Variants in TNNT3 observed in about 807,000 individuals in gnomAD.
TNNT3 encodes troponin T, fast skeletal muscle.
A neutral mutation model predicts 54.2 loss-of-function variants in TNNT3; 36 were observed. That is an observed-to-expected ratio of 0.66 (90% CI 0.51 to 0.88). The LOEUF is 0.88. Ranked by LOEUF, TNNT3 falls within the 40% of genes least tolerant of loss-of-function variation. The probability of loss-of-function intolerance (pLI) is 0.00; values close to 1 mark genes in which losing one functional copy is unlikely to be tolerated. For synonymous variants in TNNT3, 120 were observed against 109.7 expected (o/e 1.09, Z -0.59); for missense variants, 291 against 331.6 (o/e 0.88, Z 0.95).
chr11:1,934,756 C>T (rs1454414884), intron 13 of TNNT3, 73 bp from the exon 14 acceptor site: 2 of 1,594,214 alleles, frequency 1.3e-6, no homozygotes, highest in East Asian at 2.2e-5. Flanking sequence ...CCAGTGGCTG[C>T]AGGAGGACTC....
chr11:1,925,974 G>A (rs1481049510), intron 5 of TNNT3, among the ~76,000 whole-genome samples: 3 of 152,200 alleles, frequency 2.0e-5, no homozygotes, highest in East Asian at 3.8e-4. Context: ...GGCAGGAAGT[G>A]GGGGTCCTGG....
intron 8 of TNNT3, 77 bp downstream of exon 8, chr11:1,929,905 G>GC (rs1235934795): frequency 1.3e-6 from 2 of 1,525,508 alleles, no homozygotes; most frequent in African/African-American, 2.8e-5. Flanking sequence ...TGGGGTCCTG[G>GC]CAGGCCCAGT....
intron 15 of TNNT3, chr11:1,938,082 A>G (rs1268559634): frequency 2.9e-6 from 1 of 347,660 alleles, no homozygotes; most frequent in Non-Finnish European, 5.6e-6. Context: ...CACCGTCTGG[A>G]GGGGCATGAG....
intron 1 of TNNT3, among the ~76,000 whole-genome samples, chr11:1,921,180 G>T (rs1589865699): frequency 6.6e-6 from 1 of 152,320 alleles, no homozygotes; most frequent in Non-Finnish European, 1.5e-5. Context: ...GAAACGTCTT[G>T]CCTATTTCTG....
chr11:1,932,859 T>TCCATCCAG (rs1011144271), intron 9 of TNNT3, among the ~76,000 whole-genome samples: 5 of 146,194 alleles, frequency 3.4e-5, no homozygotes, highest in Admixed American at 3.4e-4. Flanking sequence ...CATCCATCCA[T>TCCATCCAG]CCATCCATCC....
intron 5 of TNNT3, 21 bp from the exon 6 acceptor site, chr11:1,926,674 A>G: frequency 6.2e-7 from 1 of 1,613,348 alleles, no homozygotes; most frequent in East Asian, 2.2e-5. Flanking sequence ...CCTTTCTGCC[A>G]CCATGACGCT....
At chr11:1,926,011 C>T (rs942929877) in intron 5 of TNNT3, among the ~76,000 whole-genome samples, 12 of 152,196 alleles carry the variant, frequency 7.9e-5, no homozygotes, top group African/African-American at 2.9e-4. Context: ...CCATCCATGG[C>T]TCTGCCTCCC....
intron 13 of TNNT3, 40 bp from the exon 14 acceptor site, chr11:1,934,789 G>A (rs1854476538): frequency 6.2e-7 from 1 of 1,606,774 alleles, no homozygotes; most frequent in African/African-American, 1.3e-5. Context: ...CCTGCCTTTG[G>A]GGCTTATTCA....
intron 9 of TNNT3, among the ~76,000 whole-genome samples, 175 bp from the exon 10 acceptor site, chr11:1,933,546 C>T (rs1202007819): frequency 2.0e-5 from 3 of 152,206 alleles, no homozygotes; most frequent in African/African-American, 7.2e-5. Flanking sequence ...GGATAGCAGC[C>T]ATGGCAATGT....
chr11:1,936,303 C>T (rs756154465), intron 14 of TNNT3: 19 of 1,601,356 alleles, frequency 1.2e-5, no homozygotes, highest in South Asian at 4.4e-5. Flanking sequence ...GTGCGTTGCA[C>T]GGTGAGGTGA....
chr11:1,936,306 T>C (rs2133514704), intron 14 of TNNT3: 1 of 1,597,574 alleles, frequency 6.3e-7, no homozygotes, highest in Admixed American at 1.7e-5. Flanking sequence ...CGTTGCACGG[T>C]GAGGTGAACC....
chr11:1,923,944 T>C (rs78662878), intron 4 of TNNT3, among the ~76,000 whole-genome samples: 3,077 of 146,934 alleles, frequency 0.021, 53 homozygotes, highest in South Asian at 0.086. Flanking sequence ...TGCCCAGTGC[T>C]GCTGTCTCTC....
chr11:1,934,853 G>C lies in TNNT3; in HGVS notation c.615G>C (p.Glu205Asp), dbSNP rs776598953. The C allele has an allele frequency of 6.2e-7, 1 of 1,613,636 alleles. No individual in the cohort carries two copies. The highest frequency in any genetic ancestry group is 8.5e-7 in the Non-Finnish European group (1 of 1,180,036). ...GGGACAAGGCCAAGGAGCTCTGGGA[G>C]ACCCTGCACCAGCTGGAGATTGACA... ...KLRDKAKELW[E>D]TLHQLEIDKF... The change falls in exon 14 of 16, where the codon GAG becomes GAC. Residue 205 changes from glutamate to aspartate, a missense_variant. By Grantham distance (45) the Glu-to-Asp change is conservative. Coordinates refer to ENST00000278317, the MANE Select transcript of TNNT3 (RefSeq NM_006757.4).
chr11:1,933,963 G>A lies in TNNT3; in HGVS notation c.321G>A (p.Gln107=), dbSNP rs1854192102. 2.5e-6 allele frequency: 4 copies of A among 1,612,748 alleles called. No individual in the cohort carries two copies. Among genetic ancestry groups the A allele is most frequent in the Middle Eastern group, 1.7e-4 (1 of 6,016 alleles). The change falls in exon 11 of 16, where the codon CAG becomes CAA. Residue 107 remains glutamine, a synonymous_variant. Coordinates refer to ENST00000278317, the MANE Select transcript of TNNT3 (RefSeq NM_006757.4). ...GCCGTGCAGAGAGAGCGGAGCAGCAGAGGATTCGTGCAGAGAAGGAGAGGG... is the reference window on the plus strand; with the variant it reads ...GCCGTGCAGAGAGAGCGGAGCAGCAAAGGATTCGTGCAGAGAAGGAGAGGG... ...EKRRAERAEQ[Q]RIRAEKERER... is the part of the protein sequence containing the mutation.
chr11:1,934,292 C>A (rs745396824), intron 11 of TNNT3, 40 bp from the exon 12 acceptor site: 1 of 1,579,526 alleles, frequency 6.3e-7, no homozygotes, highest in African/African-American at 1.3e-5. Context: ...GCATAGCCCT[C>A]TCTCCATCCC....
chr11:1,922,115 A>G (rs1200550594), intron 1 of TNNT3, among the ~76,000 whole-genome samples: 1 of 152,162 alleles, frequency 6.6e-6, no homozygotes, highest in East Asian at 1.9e-4. Flanking sequence ...GGGGGGGTGC[A>G]CGGGAAGCGG....
chr11:1,922,641 G>C lies in TNNT3; in HGVS notation c.-18-216G>C. The C allele has an allele frequency of 4.9e-6, 3 of 608,746 alleles. 1 individual carries two copies. The South Asian group carries it at 5.7e-5, about 12-fold the overall frequency. 37.7% of individuals were successfully genotyped at this position (608,746 alleles called of 1,614,324 possible). A position where few individuals can be genotyped will look rare whatever the true frequency, so the allele number is the denominator to read the frequency against. ...GGAGCCAGGGCAGGAAGAGGGGACAGAGTCTGGGGCGCCAAGAGCTGGGAG... is the reference window on the plus strand; with the variant it reads ...GGAGCCAGGGCAGGAAGAGGGGACACAGTCTGGGGCGCCAAGAGCTGGGAG... On this transcript the variant is annotated intron_variant, in intron 1 of 15. Transcript: ENST00000278317.
At chr11:1,922,569 C>G (rs896221361) in intron 1 of TNNT3, among the ~76,000 whole-genome samples, 1 of 152,122 alleles carries the variant, frequency 6.6e-6, no homozygotes. Flanking sequence ...GTGGACGCCA[C>G]GACCTTCCAA....
intron 8 of TNNT3, 56 bp from the exon 9 acceptor site, chr11:1,932,413 C>T: frequency 6.4e-7 from 1 of 1,574,664 alleles, no homozygotes; most frequent in Non-Finnish European, 8.7e-7. Flanking sequence ...GCCAGGCTGA[C>T]CCTCTGGGGT....
Sources: allele counts gnomAD v4.1 joint callset (sites outside exome capture counted in the v4.1 genomes callset), GRCh38; gene constraint gnomAD v4.1.1; transcripts MANE v1.5; gene names NCBI Gene and HGNC (gene_info 2026-07-23, HGNC 2026-07-21).